Variants in CMIP observed in about 807,000 individuals in gnomAD.
CMIP encodes C-Maf-inducing protein.
CMIP carries 13 observed loss-of-function variants against 97.3 expected under a neutral mutation model. The ratio of observed to expected loss-of-function variants is 0.13; its 90% CI spans 0.09 to 0.21. The LOEUF is 0.21. CMIP is among the 10% of genes least tolerant of loss of function. CMIP has a pLI of 1.00. For missense variants in CMIP, 847 were observed against 1,024.9 expected, an observed-to-expected ratio of 0.83 and a Z score of 2.37; for synonymous variants, 538 against 436.3, an observed-to-expected ratio of 1.23 and a Z score of -2.91.
intron 1 of CMIP, among the ~76,000 whole-genome samples, chr16:81,509,575 C>T (rs2089772857): frequency 6.6e-6 from 1 of 152,132 alleles, no homozygotes; most frequent in African/African-American, 2.4e-5. Context: ...GTCTGGCTGT[C>T]TTTCCCTTCC....
intron 1 of CMIP, among the ~76,000 whole-genome samples, chr16:81,537,705 G>GAAAGA (rs557455245): frequency 3.0e-4 from 40 of 132,674 alleles, no homozygotes; most frequent in African/African-American, 5.5e-4. Flanking sequence ...CATCTCTGTT[G>GAAAGA]AAAGAAAAGA....
chr16:81,669,202 ATC>A (rs1336014940), intron 7 of CMIP, among the ~76,000 whole-genome samples: 1 of 107,392 alleles, frequency 9.3e-6, no homozygotes, highest in Non-Finnish European at 1.9e-5. Flanking sequence ...TTCCACACCC[ATC>A]TCTCACACTC....
chr16:81,622,059 C>G (rs942782522), intron 3 of CMIP: 1 of 152,176 alleles, frequency 6.6e-6, no homozygotes, highest in Non-Finnish European at 1.5e-5. Flanking sequence ...TTTTGAGCTC[C>G]TACTGTGTGC....
At chr16:81,593,950 T>C (rs1597126014) in intron 1 of CMIP, among the ~76,000 whole-genome samples, 1 of 141,792 alleles carries the variant, frequency 7.1e-6, no homozygotes, top group Non-Finnish European at 1.5e-5. Flanking sequence ...ACCCTTACCT[T>C]CCCCCTACCA....
intron 1 of CMIP, among the ~76,000 whole-genome samples, chr16:81,489,280 G>A (rs1464684072): frequency 6.6e-6 from 1 of 152,218 alleles, no homozygotes. Context: ...TGACTTCTAT[G>A]TGCACAGGAG....
chr16:81,552,406 C>T (rs2090676921), intron 1 of CMIP, among the ~76,000 whole-genome samples: 1 of 152,136 alleles, frequency 6.6e-6, no homozygotes, highest in Non-Finnish European at 1.5e-5. Flanking sequence ...GTCAGAAATC[C>T]AAAACAGATC....
intron 1 of CMIP, chr16:81,520,587 AGAG>A (rs2090003467): frequency 6.6e-6 from 1 of 151,078 alleles, no homozygotes; most frequent in Non-Finnish European, 1.5e-5. Context: ...AGAGAGAGAG[AGAG>A]AGAGAGAGAG....
intron 1 of CMIP, among the ~76,000 whole-genome samples, chr16:81,570,575 C>T (rs1022140683): frequency 1.3e-5 from 2 of 152,124 alleles, no homozygotes; most frequent in Non-Finnish European, 2.9e-5. Context: ...CCCTGTGGGA[C>T]ATTGAGAGTC....
chr16:81,671,957 T>A lies in CMIP; in HGVS notation c.930-9T>A, dbSNP rs371829122. ...AGGCTTCTCACCCCAGCCCTCTGCT[T>A]TTTTCCAGCATGCACGGCCCCACAG... is the stretch of plus-strand genomic sequence containing the variant. On this transcript the variant is annotated splice_polypyrimidine_tract_variant and intron_variant, in intron 8 of 20. Coordinates refer to ENST00000537098, the MANE Select transcript of CMIP (RefSeq NM_198390.3). 1.9e-6 allele frequency: 3 copies of A among 1,542,496 alleles called. No homozygotes were observed. Among genetic ancestry groups the A allele is most frequent in the Non-Finnish European group, 2.7e-6 (3 of 1,130,446 alleles).
At chr16:81,457,922 C>G (rs112617729) in intron 1 of CMIP, among the ~76,000 whole-genome samples, 23 of 152,228 alleles carry the variant, frequency 1.5e-4, no homozygotes, top group African/African-American at 5.3e-4. Flanking sequence ...CAAGCTCCCC[C>G]CTACCTTTGA....
intron 3 of CMIP, among the ~76,000 whole-genome samples, chr16:81,641,771 C>G (rs1024767521): frequency 4.6e-5 from 7 of 152,216 alleles, no homozygotes; most frequent in African/African-American, 1.7e-4. Context: ...GCTGCACCAG[C>G]CTGCAACTGC....
At chr16:81,709,299 G>A (rs1170852804) in intron 20 of CMIP, among the ~76,000 whole-genome samples, 1 of 152,150 alleles carries the variant, frequency 6.6e-6, no homozygotes, top group Non-Finnish European at 1.5e-5. Flanking sequence ...CTTTCATAGG[G>A]CATATACGGT....
At chr16:81,472,893 C>T (rs1291585402) in intron 1 of CMIP, among the ~76,000 whole-genome samples, 4 of 152,184 alleles carry the variant, frequency 2.6e-5, no homozygotes, top group African/African-American at 7.2e-5. Context: ...TGTCCTGTTC[C>T]TTTCGGGGCT....
At chr16:81,679,421 A>G (rs1056206773) in intron 10 of CMIP, among the ~76,000 whole-genome samples, 7 of 152,052 alleles carry the variant, frequency 4.6e-5, no homozygotes, top group Admixed American at 4.6e-4. Flanking sequence ...AGGTATGTGC[A>G]TGAGCCCATG....
chr16:81,671,563 T>C (rs982865938), intron 8 of CMIP, among the ~76,000 whole-genome samples: 1 of 152,216 alleles, frequency 6.6e-6, no homozygotes, highest in Non-Finnish European at 1.5e-5. Context: ...AGCATGACTG[T>C]CCCAGGACGT....
At chr16:81,560,725 C>G (rs889677537) in intron 1 of CMIP, among the ~76,000 whole-genome samples, 2 of 152,160 alleles carry the variant, frequency 1.3e-5, no homozygotes, top group African/African-American at 4.8e-5. Context: ...CATATTTTCA[C>G]TGTACCTTTT....
chr16:81,687,511 AAC>A (rs1245446938), intron 10 of CMIP, among the ~76,000 whole-genome samples: 2 of 152,138 alleles, frequency 1.3e-5, no homozygotes, highest in Admixed American at 6.5e-5. Flanking sequence ...ACTGGTTATA[AAC>A]ACAGTGCAGG....
chr16:81,475,185 T>A (rs1431241002), intron 1 of CMIP, among the ~76,000 whole-genome samples: 2 of 152,150 alleles, frequency 1.3e-5, no homozygotes, highest in Non-Finnish European at 2.9e-5. Context: ...TCTCTCTGTC[T>A]CTTTCTCTCT....
chr16:81,476,466 G>A (rs9925828), intron 1 of CMIP: 133,973 of 813,758 alleles, frequency 0.16, 12,407 homozygotes, highest in Non-Finnish European at 0.19. Context: ...AGGAGATGCG[G>A]CCCAAGGGCT....
Sources: gnomAD v4.1 joint callset for allele counts (sites outside exome capture counted in the v4.1 genomes callset) on GRCh38, gnomAD v4.1.1 for gene constraint, MANE v1.5 for transcripts, NCBI Gene and HGNC (gene_info 2026-07-23, HGNC 2026-07-21) for gene names.